Variants in DISC1 observed in about 807,000 individuals in gnomAD.
DISC1 encodes the protein DISC1 scaffold protein, also known as disrupted in schizophrenia 1 protein.
In DISC1, 57 loss-of-function variants were observed where a neutral mutation model predicts 84.5. That is an observed-to-expected ratio of 0.67 (90% CI 0.55 to 0.84). The LOEUF (loss-of-function observed/expected upper bound fraction) is 0.84, where lower values mean the gene tolerates loss of function less well. Among genes scored for constraint, DISC1 ranks in the 40% least tolerant of loss-of-function variants. The pLI is 0.00. For missense variants in DISC1, 1,000 were observed against 1,057.8 expected, an observed-to-expected ratio of 0.95 and a Z score of 0.76; for synonymous variants, 411 against 415.2, an observed-to-expected ratio of 0.99 and a Z score of 0.12.
chr1:231,799,438 G>T (rs547411870), intron 7 of DISC1, among the ~76,000 whole-genome samples: 1 of 152,060 alleles, frequency 6.6e-6, no homozygotes, highest in Non-Finnish European at 1.5e-5. Flanking sequence ...CTCGTATCCC[G>T]GCAGAGAGAC....
chr1:231,780,762 G>C (rs12759663), intron 6 of DISC1, among the ~76,000 whole-genome samples: 34,921 of 77,758 alleles, frequency 0.45, 7,837 homozygotes, highest in Admixed American at 0.53. Flanking sequence ...AACCAACCCA[G>C]ATGTCCATCA....
chr1:231,951,033 G>A (rs1658277690), intron 9 of DISC1, among the ~76,000 whole-genome samples: 1 of 152,218 alleles, frequency 6.6e-6, no homozygotes, highest in Non-Finnish European at 1.5e-5. Flanking sequence ...GGAAGTGGAG[G>A]CATCAACATA....
intron 1 of DISC1, among the ~76,000 whole-genome samples, chr1:231,685,661 C>G (rs1171145917): frequency 6.6e-6 from 1 of 152,080 alleles, no homozygotes; most frequent in Non-Finnish European, 1.5e-5. Flanking sequence ...CCATATTGGC[C>G]AGGCTGGTCT....
chr1:231,856,807 A>G (rs2084303030), intron 9 of DISC1, among the ~76,000 whole-genome samples: 4 of 152,198 alleles, frequency 2.6e-5, no homozygotes, highest in Admixed American at 2.6e-4. Flanking sequence ...GGGAGTCCCC[A>G]GAAAGGAGTG....
At chr1:232,014,765 TA>T (rs541571603) in intron 11 of DISC1, among the ~76,000 whole-genome samples, 55 of 152,302 alleles carry the variant, frequency 3.6e-4, no homozygotes, top group African/African-American at 1.2e-3. Flanking sequence ...TTGGTGTCTT[TA>T]AAGTGGGCTG....
intron 3 of DISC1, among the ~76,000 whole-genome samples, chr1:231,707,163 G>A (rs2067191658): frequency 6.6e-6 from 1 of 152,174 alleles, no homozygotes; most frequent in South Asian, 2.1e-4. Flanking sequence ...GGGGGCCCAT[G>A]GAACATAAAT....
chr1:231,686,991 C>G (rs926293180), intron 1 of DISC1, among the ~76,000 whole-genome samples: 30 of 152,298 alleles, frequency 2.0e-4, no homozygotes, highest in African/African-American at 6.5e-4. Flanking sequence ...CTCCAGTTCC[C>G]AACAAGTTCC....
At position 231,647,329 on chromosome 1, in the gene DISC1, C is replaced by T. The variant is rs181526525; in HGVS notation, c.67+20395C>T. Reference sequence around the variant, plus strand: ...CATTTATTAAATAGGGAATCCTTTCCCCATTTCTTGTTTTTGTCAGCTTTG... The same window carrying T: ...CATTTATTAAATAGGGAATCCTTTCTCCATTTCTTGTTTTTGTCAGCTTTG... On this transcript the variant is annotated intron_variant, in intron 1 of 12. Coordinates refer to ENST00000439617, the MANE Select transcript of DISC1 (RefSeq NM_018662.3). Among the ~76,000 whole-genome samples the T allele has an allele frequency of 2.5e-3, 386 of 152,224 alleles. 2 individuals are homozygous for T. Among genetic ancestry groups the T allele is most frequent in the Non-Finnish European group, 3.1e-3 (210 of 68,014 alleles).
chr1:231,834,450 G>A (rs2125833668), intron 9 of DISC1, among the ~76,000 whole-genome samples: 1 of 152,282 alleles, frequency 6.6e-6, no homozygotes, highest in South Asian at 2.1e-4. Context: ...AAGAATGTCT[G>A]GACGTCAGGC....
chr1:231,695,334 A>T (rs564326363), intron 2 of DISC1, among the ~76,000 whole-genome samples: 1 of 152,314 alleles, frequency 6.6e-6, no homozygotes, highest in Non-Finnish European at 1.5e-5. Context: ...TAGAGATAAC[A>T]CCAACTCATA....
chr1:231,710,149 C>G (rs2067629524), intron 3 of DISC1, among the ~76,000 whole-genome samples: 1 of 152,098 alleles, frequency 6.6e-6, no homozygotes, highest in Admixed American at 6.6e-5. Context: ...CCAGCCTCGG[C>G]AACACTGTGA....
At chr1:232,033,069 C>T (rs188586190) in intron 12 of DISC1, among the ~76,000 whole-genome samples, 154 of 152,266 alleles carry the variant, frequency 1.0e-3, no homozygotes, top group African/African-American at 3.7e-3. Flanking sequence ...TACTCAGCAT[C>T]TTCTCTTGGC....
At chr1:231,984,517 C>T (rs11122386) in intron 10 of DISC1, among the ~76,000 whole-genome samples, 7,450 of 152,030 alleles carry the variant, frequency 0.049, 285 homozygotes, top group East Asian at 0.2. Context: ...TGGCAGGGTA[C>T]AAAACGAAAC....
At chr1:231,835,100 C>G (rs969776442) in intron 9 of DISC1, among the ~76,000 whole-genome samples, 1 of 152,134 alleles carries the variant, frequency 6.6e-6, no homozygotes, top group Non-Finnish European at 1.5e-5. Flanking sequence ...GGCCGCTTAC[C>G]AGATTTAAAA....
chr1:231,809,487 G>C (rs1241379782), intron 8 of DISC1, among the ~76,000 whole-genome samples: 1 of 136,826 alleles, frequency 7.3e-6, no homozygotes, highest in Non-Finnish European at 1.5e-5. Flanking sequence ...AATAACATAA[G>C]AGGATGTCTC....
chr1:231,956,984 T>G (rs1659624574), intron 9 of DISC1, among the ~76,000 whole-genome samples: 2 of 152,168 alleles, frequency 1.3e-5, no homozygotes, highest in African/African-American at 4.8e-5. Flanking sequence ...TCATACTCAG[T>G]GGGTTGGAGC....
At chr1:231,843,925 G>A (rs1447390299) in intron 9 of DISC1, among the ~76,000 whole-genome samples, 5 of 152,166 alleles carry the variant, frequency 3.3e-5, no homozygotes. Flanking sequence ...TCAGCATATG[G>A]ATTATAATTA....
At chr1:231,817,439 A>G (rs1373078796) in intron 8 of DISC1, among the ~76,000 whole-genome samples, 9 of 152,178 alleles carry the variant, frequency 5.9e-5, no homozygotes. Flanking sequence ...ACCTCATAAC[A>G]TTTTGATTGG....
At chr1:231,880,955 C>T (rs1284991979) in intron 9 of DISC1, among the ~76,000 whole-genome samples, 1 of 152,084 alleles carries the variant, frequency 6.6e-6, no homozygotes, top group Non-Finnish European at 1.5e-5. Flanking sequence ...GATCTAGGGT[C>T]TATGTGATTC....
Sources: allele counts gnomAD v4.1 joint callset (sites outside exome capture counted in the v4.1 genomes callset), GRCh38; gene constraint gnomAD v4.1.1; transcripts MANE v1.5; gene names NCBI Gene and HGNC (gene_info 2026-07-23, HGNC 2026-07-21).